Variants in PPP2CA observed in about 807,000 individuals in gnomAD.
The protein encoded by PPP2CA is protein phosphatase 2 catalytic subunit alpha, also known as serine/threonine-protein phosphatase 2A catalytic subunit alpha isoform.
A neutral mutation model predicts 38.8 loss-of-function variants in PPP2CA; 5 were observed. The observed-to-expected ratio is 0.13, with a 90% confidence interval of 0.07 to 0.27. PPP2CA has a LOEUF of 0.27. Ranked by LOEUF, PPP2CA falls within the 10% of genes least tolerant of loss-of-function variation. The pLI is 1.00. For synonymous variants in PPP2CA, 152 were observed against 134.0 expected, an observed-to-expected ratio of 1.13 and a Z score of -0.93; for missense variants, 88 against 389.7, an observed-to-expected ratio of 0.23 and a Z score of 6.52.
At chr5:134,218,657 G>A (rs1313307804) in intron 1 of PPP2CA, among the ~76,000 whole-genome samples, 1 of 143,862 alleles carries the variant, frequency 7.0e-6, no homozygotes, top group Non-Finnish European at 1.5e-5. Flanking sequence ...TAGTCTAGAT[G>A]GTTGTTTCTT....
intron 1 of PPP2CA, among the ~76,000 whole-genome samples, chr5:134,216,675 T>C (rs1028868977): frequency 2.6e-5 from 4 of 152,142 alleles, no homozygotes; most frequent in Non-Finnish European, 4.4e-5. Context: ...GAAACCTGTT[T>C]TTTGTTTTGT....
rs540147819 is a variant in PPP2CA, at chr5:134,201,265, A to G, written c.487-191T>C. Among the ~76,000 whole-genome samples, 229 of 152,336 alleles carry G rather than the reference A, an allele frequency of 1.5e-3. 2 individuals carry two copies. The highest frequency in any genetic ancestry group is 8.9e-3 in the South Asian group (43 of 4,830). Reference sequence around the variant, plus strand: ...TGTGTCTCTACAAAAATTTTAAAAAATGAGCTGGGCACCCCCATCACTTGG... The same window carrying G: ...TGTGTCTCTACAAAAATTTTAAAAAGTGAGCTGGGCACCCCCATCACTTGG... On this transcript the variant is annotated intron_variant, in intron 3 of 6. Transcript: ENST00000481195.
chr5:134,203,092 A>G (rs1762003061), intron 2 of PPP2CA, among the ~76,000 whole-genome samples: 1 of 151,926 alleles, frequency 6.6e-6, no homozygotes, highest in Admixed American at 6.5e-5. Context: ...GAGCTGTAAA[A>G]GTTTTTTTTT....
intron 1 of PPP2CA, among the ~76,000 whole-genome samples, chr5:134,217,104 G>A (rs1225841941): frequency 6.6e-6 from 1 of 152,136 alleles, no homozygotes; most frequent in Admixed American, 6.6e-5. Context: ...CCAACACAGA[G>A]AAACCTCATC....
intron 1 of PPP2CA, among the ~76,000 whole-genome samples, chr5:134,212,699 T>C (rs1304815580): frequency 6.6e-6 from 1 of 152,182 alleles, no homozygotes; most frequent in Non-Finnish European, 1.5e-5. Context: ...ACCAAACTGC[T>C]AAGGTATAAA....
chr5:134,225,623 G>A (rs939609486), intron 1 of PPP2CA, 137 bp downstream of exon 1: 11 of 672,170 alleles, frequency 1.6e-5, no homozygotes, highest in Non-Finnish European at 2.3e-5. Flanking sequence ...GCCGCCGCCG[G>A]CCAGGATGGG....
chr5:134,200,518 T>TA (rs778758965), intron 4 of PPP2CA, 22 bp from the exon 5 acceptor site: 1 of 1,606,824 alleles, frequency 6.2e-7, no homozygotes, highest in Admixed American at 1.7e-5. Context: ...CTTCAAGTTA[T>TA]AAAATGCCTT....
At chr5:134,203,173 A>G (rs974500870) in intron 2 of PPP2CA, among the ~76,000 whole-genome samples, 1 of 152,102 alleles carries the variant, frequency 6.6e-6, no homozygotes, top group Non-Finnish European at 1.5e-5. Context: ...TAATTTTGAT[A>G]AAGTCCGATT....
intron 1 of PPP2CA, chr5:134,224,221 A>C (rs1469176516): frequency 2.2e-6 from 1 of 448,082 alleles, no homozygotes; most frequent in East Asian, 7.0e-5. Flanking sequence ...ATTCATTTTT[A>C]AAGGCCAATT....
rs915792116 is a variant in PPP2CA, at chr5:134,211,446, A to G, written c.103-5315T>C. Among the ~76,000 whole-genome samples, 3 of 151,496 alleles carry G rather than the reference A, an allele frequency of 2.0e-5. No homozygotes were observed. In the Admixed American group the frequency reaches 2.0e-4, roughly 10 times the overall value. On this transcript the variant is annotated intron_variant, in intron 1 of 6. Transcript: ENST00000481195. ...AAGCAGGCTTAAACTAAAGCTCATA[A>G]ATCATCCATGCTGTTTTTCATGGAA...
At chr5:134,198,206 C>T (rs976338503) in intron 6 of PPP2CA, among the ~76,000 whole-genome samples, 25 of 151,916 alleles carry the variant, frequency 1.6e-4, no homozygotes, top group Middle Eastern at 3.4e-3. Flanking sequence ...CTGGCTACCA[C>T]GGTGAAACCC....
chr5:134,214,391 T>C (rs370629671), intron 1 of PPP2CA, among the ~76,000 whole-genome samples: 1 of 152,246 alleles, frequency 6.6e-6, no homozygotes, highest in East Asian at 1.9e-4. Context: ...ACGTGTACAG[T>C]ATTATTGCTC....
At chr5:134,201,761 T>C in intron 3 of PPP2CA, 87 bp downstream of exon 3, 3 of 1,385,354 alleles carry the variant, frequency 2.2e-6, no homozygotes, top group Non-Finnish European at 3.0e-6. Flanking sequence ...CAAAGGGGTG[T>C]TAAGAGTGGA....
chr5:134,212,778 C>G (rs1762228336), intron 1 of PPP2CA, among the ~76,000 whole-genome samples: 1 of 152,138 alleles, frequency 6.6e-6, no homozygotes, highest in African/African-American at 2.4e-5. Flanking sequence ...GTAAGTAAGC[C>G]AAACAGTCTT....
At position 134,206,139 on chromosome 5, in the gene PPP2CA, T is replaced by C. The variant is rs1335485305; in HGVS notation, c.103-8A>G. 3 of 1,605,444 alleles carry C rather than the reference T, an allele frequency of 1.9e-6. No individual in the cohort carries two copies. Among genetic ancestry groups the C allele is most frequent in the Non-Finnish European group, 2.6e-6 (3 of 1,172,590 alleles). On this transcript the variant is annotated splice_polypyrimidine_tract_variant and splice_region_variant and intron_variant, in intron 1 of 6. Coordinates refer to ENST00000481195, the MANE Select transcript of PPP2CA (RefSeq NM_002715.4). ...TGTCAGGATTTCTTTAGCCTACAGA[T>C]GGGAGACAAAAATAAGGCAATACAT...
intron 1 of PPP2CA, among the ~76,000 whole-genome samples, chr5:134,220,508 A>C (rs1213333804): frequency 2.0e-5 from 3 of 147,634 alleles, no homozygotes; most frequent in Non-Finnish European, 3.0e-5. Flanking sequence ...TTCCTCCTTC[A>C]TGGTTCTCAT....
intron 1 of PPP2CA, among the ~76,000 whole-genome samples, chr5:134,208,791 ACAGAAACAATAG>A (rs1395055768): frequency 6.6e-6 from 1 of 152,218 alleles, no homozygotes; most frequent in African/African-American, 2.4e-5. Context: ...CTGTATGTCT[ACAGAAACAATAG>A]TTTTCCTTTG....
chr5:134,199,006 A>C, intron 6 of PPP2CA, 80 bp downstream of exon 6: 1 of 1,128,024 alleles, frequency 8.9e-7, no homozygotes, highest in East Asian at 2.4e-5. Flanking sequence ...CAATATAGTG[A>C]CACCCTCTCT....
At chr5:134,210,439 A>G (rs184671917) in intron 1 of PPP2CA, among the ~76,000 whole-genome samples, 32 of 152,378 alleles carry the variant, frequency 2.1e-4, no homozygotes, top group Admixed American at 2.0e-3. Flanking sequence ...AGCAAAAGCA[A>G]AACACGCATA....
Sources: gnomAD v4.1 joint callset for allele counts (sites outside exome capture counted in the v4.1 genomes callset) on GRCh38, gnomAD v4.1.1 for gene constraint, MANE v1.5 for transcripts, NCBI Gene and HGNC (gene_info 2026-07-23, HGNC 2026-07-21) for gene names.